Variants in MIGA2 observed in about 807,000 individuals in gnomAD.
The protein encoded by MIGA2 is family with sequence similarity 73, member B.
In MIGA2, 36 loss-of-function variants were observed where a neutral mutation model predicts 69.9. The observed-to-expected ratio is 0.52, with a 90% CI of 0.39 to 0.68. MIGA2 has a LOEUF of 0.68. MIGA2 is among the 30% of genes least tolerant of loss of function. MIGA2 has a pLI of 0.00. For synonymous variants in MIGA2, 333 were observed against 349.2 expected, an observed-to-expected ratio of 0.95 and a Z score of 0.52; for missense variants, 660 against 787.7, an observed-to-expected ratio of 0.84 and a Z score of 1.94.
chr9:129,066,486 A>G (rs1041329751), intron 11 of MIGA2, among the ~76,000 whole-genome samples: 1 of 151,766 alleles, frequency 6.6e-6, no homozygotes, highest in Admixed American at 6.6e-5. Flanking sequence ...CATCCTGGCT[A>G]GCACAGTGAA....
At chr9:129,050,297 A>G (rs1055311972) in intron 6 of MIGA2, among the ~76,000 whole-genome samples, 3 of 152,106 alleles carry the variant, frequency 2.0e-5, no homozygotes, top group Non-Finnish European at 4.4e-5. Flanking sequence ...TGTTTTTGAG[A>G]TGGAGTCTCG....
rs1846556277 is a variant in MIGA2, at chr9:129,069,584, C to A, written c.1459-265C>A. 1.8e-6 allele frequency: 1 copy of A among 553,446 alleles called. No individual in the cohort carries two copies. The highest frequency in any genetic ancestry group is 3.1e-5 in the Admixed American group (1 of 32,314). 34.3% of individuals were successfully genotyped at this position (553,446 alleles called of 1,614,324 possible). On this transcript the variant is annotated intron_variant, in intron 14 of 15. Coordinates refer to ENST00000684074, the MANE Select transcript of MIGA2 (RefSeq NM_001329990.2). This position sits in a 1 kb window ranked among gnomAD's most constrained non-coding sequence, Gnocchi z 4.9. ...CCAGGCTCTGTTGCCTAGCTGATAC[C>A]AGCTGCCGTGGCCACGTGCTCCAGG...
intron 6 of MIGA2, among the ~76,000 whole-genome samples, chr9:129,057,170 A>AT (rs1206436126): frequency 4.6e-5 from 7 of 152,094 alleles, no homozygotes; most frequent in African/African-American, 7.2e-5. Context: ...CCTTTGTGGC[A>AT]TTTTTTTTCC....
intron 3 of MIGA2, among the ~76,000 whole-genome samples, chr9:129,045,852 T>G (rs934170145): frequency 1.7e-3 from 252 of 151,356 alleles, no homozygotes; most frequent in Middle Eastern, 3.4e-3. Flanking sequence ...GTGTTTTGTT[T>G]TTTTTTTTTT....
intron 6 of MIGA2, among the ~76,000 whole-genome samples, chr9:129,052,712 G>A (rs1327968840): frequency 1.3e-5 from 2 of 152,188 alleles, no homozygotes; most frequent in African/African-American, 2.4e-5. Context: ...GGGGACCTGG[G>A]AAACAGGTTG....
chr9:129,050,573 G>GT (rs1299209059), intron 6 of MIGA2, among the ~76,000 whole-genome samples: 502 of 114,712 alleles, frequency 4.4e-3, no homozygotes, highest in South Asian at 0.017. Flanking sequence ...GTACCCAGCT[G>GT]TTTTTTTTTT....
chr9:129,040,562 C>T lies in MIGA2; in HGVS notation c.-33C>T. On this transcript the variant is annotated 5_prime_UTR_variant, in exon 2 of 16. Coordinates refer to ENST00000684074, the MANE Select transcript of MIGA2 (RefSeq NM_001329990.2). ...GACGTTCTCCTTGGAAGCTCTTGGC[C>T]CTGAGGACTTTGCCTGGGGCATTGG... The T allele has an allele frequency of 6.3e-7, 1 of 1,599,402 alleles. No individual in the cohort carries two copies. The highest frequency in any genetic ancestry group is 8.5e-7 in the Non-Finnish European group (1 of 1,170,006).
rs771637750 is a variant in MIGA2 at position 129,068,088 on chromosome 9, C to T, written c.1270-110C>T. 5 of 1,466,894 alleles carry T rather than the reference C, an allele frequency of 3.4e-6. No individual in the cohort carries two copies. Among genetic ancestry groups the T allele is most frequent in the African/African-American group, 1.4e-5 (1 of 72,110 alleles). The allele number at this position is 1,466,894 out of a possible 1,614,324, so 90.9% of individuals were successfully genotyped here. A position where few individuals can be genotyped will look rare whatever the true frequency, so the allele number is the denominator to read the frequency against. ...GCAGAGCGGGAAAGACGTGTCCCCC[C>T]CACGTGTGCTCATGCCCTGGACCCC... On this transcript the variant is annotated intron_variant, in intron 12 of 15. Coordinates refer to ENST00000684074, the MANE Select transcript of MIGA2 (RefSeq NM_001329990.2). The surrounding 1 kb of genome is among the most constrained non-coding windows in gnomAD (Gnocchi z 4.1).
intron 11 of MIGA2, among the ~76,000 whole-genome samples, chr9:129,065,315 A>G (rs1375124409): frequency 1.3e-5 from 2 of 151,848 alleles, no homozygotes; most frequent in South Asian, 4.2e-4. Flanking sequence ...ATAAAAAACC[A>G]AAAAACAAAA....
chr9:129,047,559 T>G (rs1845292676), intron 3 of MIGA2, among the ~76,000 whole-genome samples: 1 of 151,846 alleles, frequency 6.6e-6, no homozygotes, highest in South Asian at 2.1e-4. Flanking sequence ...ATTACAGGCG[T>G]GCGCCACCCC....
intron 4 of MIGA2, among the ~76,000 whole-genome samples, chr9:129,049,084 T>A (rs1007782120): frequency 6.6e-6 from 1 of 152,120 alleles, no homozygotes; most frequent in African/African-American, 2.4e-5. Context: ...AGCCCCGGCA[T>A]AGGGGATGGA....
At position 129,067,820 on chromosome 9, in the gene MIGA2, C is replaced by T. The variant is rs1846441404; in HGVS notation, c.1218C>T (p.Ala406=). The T allele has an allele frequency of 6.2e-7, 1 of 1,613,150 alleles. No homozygotes were observed. Among genetic ancestry groups the T allele is most frequent in the African/African-American group, 1.3e-5 (1 of 74,940 alleles). ...GCTACGAGGAGATGCTGAGCTATGC[C>T]CTGCGGCCCGAGACCTGGGCCACAA... ...LESYEEMLSY[A]LRPETWATTR... is the part of the protein sequence containing the mutation. The change falls in exon 12 of 16, where the codon GCC becomes GCT. Residue 406 remains alanine, a synonymous_variant. Transcript: ENST00000684074.
chr9:129,067,936 C>A (rs1846448715), intron 12 of MIGA2, 65 bp downstream of exon 12: 1 of 1,528,170 alleles, frequency 6.5e-7, no homozygotes, highest in Non-Finnish European at 8.9e-7. Context: ...CAAGGGGGTT[C>A]TTGTGCCGAG....
intron 3 of MIGA2, among the ~76,000 whole-genome samples, chr9:129,044,122 T>C (rs1845075567): frequency 6.6e-6 from 1 of 151,668 alleles, no homozygotes; most frequent in Admixed American, 6.6e-5. Flanking sequence ...GCCTCCCGAG[T>C]AGCTGGGATT....
chr9:129,040,427 T>C, intron 1 of MIGA2, 25 bp from the exon 2 acceptor site: 1 of 1,367,006 alleles, frequency 7.3e-7, no homozygotes, highest in Non-Finnish European at 9.6e-7. Flanking sequence ...CGTTCTCTTA[T>C]CTGACTTGGT....
chr9:129,040,861 G>A (rs557902697), intron 2 of MIGA2, among the ~76,000 whole-genome samples, 171 bp downstream of exon 2: 2 of 152,264 alleles, frequency 1.3e-5, no homozygotes, highest in African/African-American at 4.8e-5. Flanking sequence ...TCTTTAGCCT[G>A]AGACTATACG....
chr9:129,048,399 G>GT (rs565037052), intron 3 of MIGA2, 28 bp from the exon 4 acceptor site: 9 of 1,588,608 alleles, frequency 5.7e-6, no homozygotes, highest in Non-Finnish European at 7.8e-6. Context: ...GGATGCCTGT[G>GT]TGACGCCTGC....
At position 129,069,825 on chromosome 9, in the gene MIGA2, C is replaced by T. The variant is rs1016534002; in HGVS notation, c.1459-24C>T. Reference sequence around the variant, plus strand: ...TCATCCTACCTGGGCCCCGCCTGGCCCCTCAGCCTTGTGCCCACCGCAGGT... The same window carrying T: ...TCATCCTACCTGGGCCCCGCCTGGCTCCTCAGCCTTGTGCCCACCGCAGGT... On this transcript the variant is annotated intron_variant, in intron 14 of 15. Coordinates refer to ENST00000684074, the MANE Select transcript of MIGA2 (RefSeq NM_001329990.2). This position sits in a 1 kb window ranked among gnomAD's most constrained non-coding sequence, Gnocchi z 4.9. 8 of 1,562,802 alleles carry T rather than the reference C, an allele frequency of 5.1e-6. No homozygotes were observed. The highest frequency in any genetic ancestry group is 7.1e-6 in the Non-Finnish European group (8 of 1,134,198).
Position 129,049,888 on chromosome 9 carries a change from G to T in MIGA2, c.600G>T (p.Arg200=). 2 of 1,613,942 alleles carry T rather than the reference G, an allele frequency of 1.2e-6. No individual in the cohort carries two copies. The highest frequency in any genetic ancestry group is 2.7e-5 in the African/African-American group (2 of 75,060). The part of the protein sequence containing the change: ...KWEQALSVGQ[R]GDSGSTPMPR... Reference sequence around the variant, plus strand: ...AGCAGGCACTAAGCGTGGGCCAGCGGGGGGACAGCGGCAGCACCCCCATGC... The same window carrying T: ...AGCAGGCACTAAGCGTGGGCCAGCGTGGGGACAGCGGCAGCACCCCCATGC... The change falls in exon 6 of 16, where the codon CGG becomes CGT. Residue 200 remains arginine (R), a synonymous_variant. Transcript: ENST00000684074.
Sources: gnomAD v4.1 joint callset for allele counts (sites outside exome capture counted in the v4.1 genomes callset) on GRCh38, gnomAD v4.1.1 for gene constraint, Gnocchi (gnomAD v3.1) non-coding constraint, MANE v1.5 for transcripts, NCBI Gene and HGNC (gene_info 2026-07-23, HGNC 2026-07-21) for gene names.